The following COL6A5 variants were observed in gnomAD, a reference collection of about 807,000 sequenced individuals.
COL6A5 encodes the protein collagen alpha-5(VI) chain.
A neutral mutation model predicts 65.6 loss-of-function variants in COL6A5; 48 were observed. The observed-to-expected ratio is 0.73, with a 90% CI of 0.58 to 0.93. COL6A5 has a LOEUF of 0.93. Among genes scored for constraint, COL6A5 ranks in the 40% least tolerant of loss-of-function variants. The pLI, the probability that COL6A5 is intolerant of heterozygous loss-of-function variation, is 0.00. For synonymous variants in COL6A5, 291 were observed against 322.8 expected, an observed-to-expected ratio of 0.90 and a Z score of 1.05; for missense variants, 914 against 928.3, an observed-to-expected ratio of 0.98 and a Z score of 0.20.
intron 14 of COL6A5, 133 bp from the exon 15 acceptor site, chr3:130,405,860 C>T: frequency 1.0e-6 from 1 of 964,308 alleles, no homozygotes; most frequent in East Asian, 2.6e-5. Context: ...TAATAAATTG[C>T]ATCTCTAACC....
At position 130,379,852 on chromosome 3, in the gene COL6A5, G is replaced by A. The variant is rs201166929; in HGVS notation, c.1102G>A (p.Val368Met). 6.8e-5 allele frequency: 105 copies of A among 1,551,214 alleles called. No homozygotes were observed. Among genetic ancestry groups the A allele is most frequent in the Middle Eastern group, 1.7e-4 (1 of 6,008 alleles). Residue 368 changes from valine (V) to methionine (M), a missense_variant and NMD_transcript_variant, in exon 4 of 42, where the codon GTG (valine) becomes ATG (methionine). By Grantham distance (21) the Val-to-Met change is conservative. Transcript: ENST00000312481. The stretch of plus-strand genomic sequence containing the variant: ...GAACCTTCGACTGGAGGATGTAAAC[G>A]TGTTTGCCTTGAGCATCCAAGGGGC...
chr3:130,476,355 A>G (rs558409652), intron 7 of COL6A5, among the ~76,000 whole-genome samples: 20 of 152,210 alleles, frequency 1.3e-4, no homozygotes, highest in African/African-American at 4.8e-4. Flanking sequence ...ATACAGTCAC[A>G]TGGGGTTAGG....
intron 1 of COL6A5, among the ~76,000 whole-genome samples, chr3:130,364,185 T>G (rs560812367): frequency 1.2e-4 from 18 of 152,332 alleles, no homozygotes; most frequent in Admixed American, 6.5e-4. Flanking sequence ...TCTCAAATTT[T>G]TATGTTTGCT....
intron 1 of COL6A5, among the ~76,000 whole-genome samples, chr3:130,436,779 C>T (rs1709045057): frequency 6.6e-6 from 1 of 152,098 alleles, no homozygotes. Flanking sequence ...TCTGATTCGG[C>T]TTCATCACCT....
exon 4 of COL6A5, chr3:130,379,617 T>C (rs1935917795): frequency 6.4e-7 from 1 of 1,551,452 alleles, no homozygotes. Context: ...TTTCTTTTCT[T>C]AAATCAAGCA....
At chr3:130,378,771 C>T (rs1028869164) in intron 3 of COL6A5, among the ~76,000 whole-genome samples, 1 of 150,646 alleles carries the variant, frequency 6.6e-6, no homozygotes, top group African/African-American at 2.5e-5. Context: ...ATGTGATCCT[C>T]TCAGAGAGGC....
In COL6A5 at chr3:130,388,901, C is replaced by A. The variant is rs772907069; in HGVS notation, c.2183C>A (p.Ala728Asp). The change falls in exon 6 of 42, where the codon GCC (alanine) becomes GAC (aspartate). Residue 728 changes from alanine to aspartate, a missense_variant and NMD_transcript_variant. Ala to Asp is a moderately radical substitution (Grantham distance 126). Coordinates refer to the COL6A5 transcript ENST00000312481. ...CACTCCAAGGGGGCCCGTTTGGGGG[C>A]CAAAAAATTTCTCATCCTCATCACA... The A allele has an allele frequency of 3.2e-6, 5 of 1,546,048 alleles. No homozygotes were observed. In the South Asian group the frequency reaches 6.0e-5, roughly 19 times the overall value.
Position 130,421,133 on chromosome 3 carries a change from A to G in COL6A5, c.4951-20A>G. The G allele has an allele frequency of 2.6e-6, 4 of 1,549,420 alleles. No homozygotes were observed. In the South Asian group the frequency reaches 4.8e-5, roughly 18 times the overall value. ...ATTTCCACCTTTGAGAAATTGAAAA[A>G]AACTGGTGTGTTTACACAGGGAGAT... On this transcript the variant is annotated intron_variant and NMD_transcript_variant, in intron 25 of 41. Coordinates refer to the COL6A5 transcript ENST00000312481.
chr3:130,468,878 G>A (rs1709879471), exon 6 of COL6A5: 1 of 1,611,848 alleles, frequency 6.2e-7, no homozygotes, highest in South Asian at 1.1e-5. Flanking sequence ...TTACATGGAT[G>A]TGGCTTTCCT....
intron 5 of COL6A5, among the ~76,000 whole-genome samples, chr3:130,456,018 G>A (rs1709564587): frequency 6.6e-6 from 1 of 152,076 alleles, no homozygotes; most frequent in Non-Finnish European, 1.5e-5. Flanking sequence ...GGGAGGAATG[G>A]AGTTTCATTC....
chr3:130,464,105 C>T (rs894318488), intron 5 of COL6A5, among the ~76,000 whole-genome samples: 4 of 151,948 alleles, frequency 2.6e-5, no homozygotes, highest in Admixed American at 6.6e-5. Flanking sequence ...TATTTTGCTT[C>T]TACTAGAACA....
chr3:130,386,550 T>C (rs763180391), intron 5 of COL6A5, among the ~76,000 whole-genome samples: 6 of 152,120 alleles, frequency 3.9e-5, no homozygotes, highest in Non-Finnish European at 8.8e-5. Context: ...TTTTTCTCCC[T>C]GTTATGGACA....
Position 130,410,464 on chromosome 3 carries a change from T to G in COL6A5, c.4609-7T>G. On this transcript the variant is annotated splice_polypyrimidine_tract_variant and splice_region_variant and intron_variant and NMD_transcript_variant, in intron 19 of 41. Transcript: ENST00000312481. ...TTTTGATCTTGAGGAAATTATTATA[T>G]TTTTAGGGTAGAAGTGGACAGAAAG... 1 of 1,548,296 alleles carries G rather than the reference T, an allele frequency of 6.5e-7. No homozygotes were observed. The highest frequency in any genetic ancestry group is 8.7e-7 in the Non-Finnish European group (1 of 1,144,520).
chr3:130,409,440 C>T, intron 18 of COL6A5, 52 bp downstream of exon 18: 2 of 1,426,398 alleles, frequency 1.4e-6, no homozygotes, highest in South Asian at 2.6e-5. Flanking sequence ...CTCCACAGTT[C>T]CTATCTCCTT....
upstream of COL6A5, among the ~76,000 whole-genome samples, chr3:130,428,501 A>C (rs1390057406): frequency 6.6e-6 from 1 of 152,194 alleles, no homozygotes; most frequent in Non-Finnish European, 1.5e-5. Flanking sequence ...GGAGGGAGAC[A>C]CATAAGTAAA....
At chr3:130,471,995 T>C (rs1709965230) in intron 7 of COL6A5, 69 bp downstream of exon 40, 2 of 1,403,282 alleles carry the variant, frequency 1.4e-6, no homozygotes, top group African/African-American at 1.4e-5. Flanking sequence ...TGGTGGAAGA[T>C]GAGCAGTTAG....
intron 1 of COL6A5, among the ~76,000 whole-genome samples, chr3:130,365,936 A>G (rs1358092950): frequency 6.6e-6 from 1 of 152,202 alleles, no homozygotes; most frequent in Non-Finnish European, 1.5e-5. Flanking sequence ...GTTCTTTCTT[A>G]AGAAAGTAAT....
At chr3:130,451,728 G>C (rs1490597213) in intron 4 of COL6A5, among the ~76,000 whole-genome samples, 1 of 152,114 alleles carries the variant, frequency 6.6e-6, no homozygotes, top group East Asian at 1.9e-4. Flanking sequence ...GTTAGACATT[G>C]AATTCTCTAC....
chr3:130,371,518 A>G (rs1010858080), intron 1 of COL6A5, among the ~76,000 whole-genome samples: 2 of 152,142 alleles, frequency 1.3e-5, no homozygotes, highest in African/African-American at 4.8e-5. Context: ...AAATAAACCC[A>G]TCCACTCATA....
Sources: gnomAD v4.1 joint callset for allele counts (sites outside exome capture counted in the v4.1 genomes callset) on GRCh38, gnomAD v4.1.1 for gene constraint, MANE v1.5 for transcripts, NCBI Gene and HGNC (gene_info 2026-07-23, HGNC 2026-07-21) for gene names.